The following SENP7 variants were observed in gnomAD, a reference collection of about 807,000 sequenced individuals.
The protein encoded by SENP7 is sentrin-specific protease 7.
A neutral mutation model predicts 141.2 loss-of-function variants in SENP7; 64 were observed. That is an observed-to-expected ratio of 0.45 (90% CI 0.37 to 0.56). The LOEUF is 0.56. SENP7 is among the 20% of genes least tolerant of loss of function. The pLI, the probability that SENP7 is intolerant of heterozygous loss-of-function variation, is 0.00. For synonymous variants in SENP7, 382 were observed against 426.4 expected (o/e 0.90, Z 1.28); for missense variants, 1,025 against 1,212.2 (o/e 0.85, Z 2.29).
At chr3:101,484,270 A>G (rs1033402075) in intron 3 of SENP7, among the ~76,000 whole-genome samples, 7 of 152,228 alleles carry the variant, frequency 4.6e-5, no homozygotes, top group Non-Finnish European at 1.0e-4. Flanking sequence ...AAAGACTGAG[A>G]GAAAATATTT....
intron 5 of SENP7, among the ~76,000 whole-genome samples, chr3:101,407,050 AG>A (rs2061327600): frequency 6.6e-6 from 1 of 152,218 alleles, no homozygotes; most frequent in Non-Finnish European, 1.5e-5. Flanking sequence ...AAGCACTAAA[AG>A]AACTGCTAAA....
At chr3:101,448,042 A>C (rs768093586) in intron 4 of SENP7, among the ~76,000 whole-genome samples, 13 of 152,218 alleles carry the variant, frequency 8.5e-5, no homozygotes, top group Non-Finnish European at 1.3e-4. Context: ...GAATATCCAA[A>C]GGCAAAAATA....
intron 6 of SENP7, 78 bp downstream of exon 6, chr3:101,398,783 T>G (rs2061046179): frequency 2.9e-6 from 3 of 1,048,904 alleles, no homozygotes. Flanking sequence ...TTAGCAATAA[T>G]GTATCTGTGA....
chr3:101,499,612 T>C (rs1003298235), intron 2 of SENP7, among the ~76,000 whole-genome samples: 2 of 151,702 alleles, frequency 1.3e-5, no homozygotes, highest in Non-Finnish European at 2.9e-5. Flanking sequence ...TTCAGCTCAC[T>C]GCAAGCTCTG....
intron 5 of SENP7, among the ~76,000 whole-genome samples, chr3:101,405,041 G>C (rs1195199473): frequency 6.6e-6 from 1 of 152,196 alleles, no homozygotes; most frequent in African/African-American, 2.4e-5. Flanking sequence ...ATGGGAGGCA[G>C]ACTAGATTGC....
chr3:101,482,270 A>G (rs1317076197), intron 3 of SENP7, among the ~76,000 whole-genome samples: 1 of 151,208 alleles, frequency 6.6e-6, no homozygotes, highest in African/African-American at 2.4e-5. Flanking sequence ...CCGAGATTGC[A>G]CCACTGCACT....
chr3:101,367,760 T>G, intron 8 of SENP7, 70 bp downstream of exon 8: 1 of 961,510 alleles, frequency 1.0e-6, no homozygotes. Context: ...GAACATTATT[T>G]GGCCACAGTC....
intron 4 of SENP7, chr3:101,457,326 G>A (rs1207672625): frequency 2.1e-6 from 3 of 1,415,690 alleles, no homozygotes; most frequent in African/African-American, 2.8e-5. Context: ...AGTAGCAAGT[G>A]GTGCTTTTCC....
chr3:101,508,880 C>T, intron 1 of SENP7, among the ~76,000 whole-genome samples: 1 of 152,190 alleles, frequency 6.6e-6, no homozygotes, highest in East Asian at 1.9e-4. Context: ...TGCAAGAGTA[C>T]TTAATATATA....
intron 4 of SENP7, among the ~76,000 whole-genome samples, chr3:101,452,887 C>A (rs2107839507): frequency 6.6e-6 from 1 of 152,276 alleles, no homozygotes; most frequent in Non-Finnish European, 1.5e-5. Flanking sequence ...AACTAAAGAG[C>A]TTCTTTACAG....
intron 4 of SENP7, among the ~76,000 whole-genome samples, chr3:101,434,716 C>A (rs2062316913): frequency 6.6e-6 from 1 of 151,916 alleles, no homozygotes; most frequent in Non-Finnish European, 1.5e-5. Flanking sequence ...CAAGATTGAA[C>A]CACGAAGAAA....
At chr3:101,433,691 T>C (rs1392207284) in intron 4 of SENP7, among the ~76,000 whole-genome samples, 3 of 152,126 alleles carry the variant, frequency 2.0e-5, no homozygotes, top group Non-Finnish European at 4.4e-5. Flanking sequence ...TATATAATGA[T>C]AAAGAGGTCA....
chr3:101,394,391 A>G (rs1359427371), intron 6 of SENP7, among the ~76,000 whole-genome samples: 1 of 152,218 alleles, frequency 6.6e-6, no homozygotes, highest in African/African-American at 2.4e-5. Context: ...GGTGAATAGT[A>G]CTGCAAAAAA....
At chr3:101,388,990 T>C (rs1306974808) in intron 6 of SENP7, among the ~76,000 whole-genome samples, 3 of 151,964 alleles carry the variant, frequency 2.0e-5, no homozygotes, top group Non-Finnish European at 2.9e-5. Flanking sequence ...CTACATGACA[T>C]ATAAGACATC....
intron 2 of SENP7, among the ~76,000 whole-genome samples, chr3:101,500,128 A>G (rs1480200381): frequency 6.6e-6 from 1 of 152,232 alleles, no homozygotes; most frequent in Non-Finnish European, 1.5e-5. Context: ...TGCTATAACT[A>G]TATAACATGA....
intron 5 of SENP7, among the ~76,000 whole-genome samples, chr3:101,409,933 C>G (rs1053245308): frequency 2.6e-5 from 4 of 152,084 alleles, no homozygotes; most frequent in Non-Finnish European, 4.4e-5. Context: ...AGTTAAATTG[C>G]TCGGAGTTAA....
At chr3:101,512,957 G>GT (rs1357255749) in intron 1 of SENP7, 134 bp downstream of exon 1, 1 of 972,300 alleles carries the variant, frequency 1.0e-6, no homozygotes, top group Non-Finnish European at 1.6e-6. Context: ...GCCTTCCATT[G>GT]TGCGCGCCCC....
intron 6 of SENP7, among the ~76,000 whole-genome samples, chr3:101,384,464 G>A (rs1320951398): frequency 6.6e-6 from 1 of 152,246 alleles, no homozygotes; most frequent in Non-Finnish European, 1.5e-5. Flanking sequence ...AGTTCCTGGT[G>A]TCTCCAAGCT....
intron 6 of SENP7, among the ~76,000 whole-genome samples, chr3:101,390,342 GAA>G (rs375807905): frequency 5.7e-4 from 75 of 132,178 alleles, no homozygotes; most frequent in Admixed American, 1.1e-3. Context: ...TACATTGACC[GAA>G]AAAAAAAAAA....
Sources: gnomAD v4.1 joint callset for allele counts (sites outside exome capture counted in the v4.1 genomes callset) on GRCh38, gnomAD v4.1.1 for gene constraint, MANE v1.5 for transcripts, NCBI Gene and HGNC (gene_info 2026-07-23, HGNC 2026-07-21) for gene names.